Variants in MMP27 observed in about 807,000 individuals in gnomAD.
MMP27 encodes matrix metallopeptidase 27, also known as matrix metalloproteinase-27.
A neutral mutation model predicts 48.1 loss-of-function variants in MMP27; 51 were observed. The ratio of observed to expected loss-of-function variants is 1.06; its 90% confidence interval spans 0.85 to 1.34. The LOEUF (loss-of-function observed/expected upper bound fraction) is 1.34. MMP27 is among the 40% of genes most tolerant of loss of function. The pLI, the probability that MMP27 is intolerant of heterozygous loss-of-function variation, is 0.00. For missense variants in MMP27, 698 were observed against 619.3 expected, an observed-to-expected ratio of 1.13 and a Z score of -1.35; for synonymous variants, 229 against 208.9, an observed-to-expected ratio of 1.10 and a Z score of -0.83.
intron 6 of MMP27, 27 bp from the exon 7 acceptor site, chr11:102,695,124 C>T (rs1351431579): frequency 5.0e-6 from 8 of 1,607,830 alleles, no homozygotes; most frequent in African/African-American, 2.7e-5. Context: ...ACACTTTACA[C>T]ATGCAGCCTA....
chr11:102,701,989 C>T (rs11225384), intron 4 of MMP27, among the ~76,000 whole-genome samples: 2 of 152,170 alleles, frequency 1.3e-5, no homozygotes, highest in African/African-American at 2.4e-5. Context: ...GTAACTATTG[C>T]CAATGACAGA....
Position 102,694,102 on chromosome 11 carries a change from G to C in MMP27, c.1034-37C>G, listed in dbSNP as rs1344650016. 2.8e-6 allele frequency: 4 copies of C among 1,439,798 alleles called. No individual in the cohort carries two copies. In the African/African-American group the frequency reaches 4.4e-5, roughly 16 times the overall value. The allele number at this position is 1,439,798 out of a possible 1,614,324, so 89.2% of individuals were successfully genotyped here. ...GGAGTGATTATTTATTTTCTAGAGGGAGAAATAGGTATCTCAAGAAATTTA... is the reference window on the plus strand; with the variant it reads ...GGAGTGATTATTTATTTTCTAGAGGCAGAAATAGGTATCTCAAGAAATTTA... On this transcript the variant is annotated intron_variant, in intron 7 of 9. Transcript: ENST00000260229.
intron 4 of MMP27, among the ~76,000 whole-genome samples, chr11:102,697,430 A>G (rs1466696947): frequency 6.6e-6 from 1 of 152,208 alleles, no homozygotes; most frequent in African/African-American, 2.4e-5. Context: ...TATAAACACT[A>G]GACACTTAAG....
At chr11:102,701,333 T>A (rs528534223) in intron 4 of MMP27, among the ~76,000 whole-genome samples, 18 of 152,308 alleles carry the variant, frequency 1.2e-4, no homozygotes, top group Admixed American at 8.5e-4. Flanking sequence ...ATGTCCCCCT[T>A]GGCAGAGGGC....
intron 8 of MMP27, 110 bp from the exon 9 acceptor site, chr11:102,693,151 G>C (rs1344322245): frequency 1.4e-6 from 1 of 699,104 alleles, no homozygotes; most frequent in Non-Finnish European, 2.5e-6. Flanking sequence ...CATAGGCATA[G>C]TAGAGGAAAA....
intron 4 of MMP27, among the ~76,000 whole-genome samples, chr11:102,697,098 T>C (rs2134266989): frequency 6.6e-6 from 1 of 152,332 alleles, no homozygotes; most frequent in Non-Finnish European, 1.5e-5. Flanking sequence ...CACAGCCCAC[T>C]ACACACCAAG....
chr11:102,704,652 C>G lies in MMP27; in HGVS notation c.226G>C (p.Gly76Arg). 1 of 1,614,100 alleles carries G rather than the reference C, an allele frequency of 6.2e-7. No homozygotes were observed. The highest frequency in any genetic ancestry group is 8.5e-7 in the Non-Finnish European group (1 of 1,179,980). ...TCAAGGGTGTTTGAGTCCAGTTTTC[C>G]AGTCACTGTCAATCCAAAAAATGCT... is the stretch of plus-strand genomic sequence containing the variant. Reference protein sequence around the residue: ...MQAFFGLTVTGKLDSNTLEIM... With the variant: ...MQAFFGLTVTRKLDSNTLEIM... The change falls in exon 2 of 10, where the codon GGA (glycine) becomes CGA (arginine). Residue 76 changes from glycine (G) to arginine (R), a missense_variant. By Grantham distance (125) the Gly-to-Arg change is moderately radical (BLOSUM62 -2). Coordinates refer to ENST00000260229, the MANE Select transcript of MMP27 (RefSeq NM_022122.3).
chr11:102,696,012 T>C (rs915638620), intron 6 of MMP27, among the ~76,000 whole-genome samples: 4 of 152,196 alleles, frequency 2.6e-5, no homozygotes, highest in Non-Finnish European at 5.9e-5. Context: ...CTATGTGATG[T>C]GAACTGGTTT....
At chr11:102,694,836 A>C in intron 7 of MMP27, 131 bp downstream of exon 7, 1 of 955,210 alleles carries the variant, frequency 1.0e-6, no homozygotes, top group Non-Finnish European at 1.5e-6. Flanking sequence ...TCTTTACGAC[A>C]GGAACCTAAG....
At chr11:102,699,251 G>A (rs1860891582) in intron 4 of MMP27, among the ~76,000 whole-genome samples, 2 of 151,972 alleles carry the variant, frequency 1.3e-5, no homozygotes, top group Admixed American at 6.6e-5. Context: ...TGGATATCTT[G>A]AGCTCAGGAG....
chr11:102,691,933 T>C lies in MMP27; in HGVS notation c.1375A>G (p.Thr459Ala), dbSNP rs1259462464. Residue 459 changes from threonine to alanine, a missense_variant, in exon 10 of 10, where the codon ACT becomes GCT. Transcript: ENST00000260229. ...KTKNITRIMR[T>A]NTWFQCKEPK... ...TCTTTGCATTGAAACCAAGTATTAG[T>C]TCTCATGATTCGGGTAATATTCTTT... The C allele has an allele frequency of 6.2e-7, 1 of 1,613,506 alleles. No individual in the cohort carries two copies. The highest frequency in any genetic ancestry group is 2.2e-5 in the East Asian group (1 of 44,762).
At position 102,702,970 on chromosome 11, in the gene MMP27, C is replaced by T. The variant is rs570369912; in HGVS notation, c.490G>A (p.Val164Ile). 8.1e-6 allele frequency: 13 copies of T among 1,613,340 alleles called. No homozygotes were observed. The Admixed American group carries it at 1.7e-4, about 21-fold the overall frequency. Residue 164 changes from valine (V) to isoleucine (I), a missense_variant and splice_region_variant, in exon 3 of 10, where the codon GTC (valine) becomes ATC (isoleucine). Val to Ile is a conservative substitution (Grantham distance 29, BLOSUM62 3). Transcript: ENST00000260229. ...CTTTGCTCTCTGTTGAAAACCTTAC[C>T]TCGAGTCCTAAAGGCAATCATGATG... is the stretch of plus-strand genomic sequence containing the variant. ...ADIMIAFRTR[V>I]HGRCPRYFDG...
In MMP27 at chr11:102,692,052, A is replaced by G. The variant is rs367640423; in HGVS notation, c.1298-42T>C. 9.1e-5 allele frequency: 135 copies of G among 1,481,658 alleles called. No individual in the cohort carries two copies. In the African/African-American group the frequency reaches 1.3e-3, roughly 15 times the overall value. The allele number at this position is 1,481,658 out of a possible 1,614,324, so 91.8% of individuals were successfully genotyped here. A position where few individuals can be genotyped will look rare whatever the true frequency, so the allele number is the denominator to read the frequency against. On this transcript the variant is annotated intron_variant, in intron 9 of 9. Transcript: ENST00000260229. ...AGGATTAGTTATCTTTCATAACTAT[A>G]TAATACTTCCATACTTTTAAATTTT... is the stretch of plus-strand genomic sequence containing the variant.
intron 2 of MMP27, 21 bp downstream of exon 2, chr11:102,704,516 A>G (rs893006217): frequency 1.9e-6 from 3 of 1,547,308 alleles, no homozygotes; most frequent in African/African-American, 1.4e-5. Context: ...TTAGGCGGAA[A>G]TAAGCTGGCA....
At position 102,693,015 on chromosome 11, in the gene MMP27, T is replaced by C; in HGVS notation, c.1220A>G (p.Asp407Gly). 1 of 1,613,686 alleles carries C rather than the reference T, an allele frequency of 6.2e-7. No homozygotes were observed. The highest frequency in any genetic ancestry group is 8.5e-7 in the Non-Finnish European group (1 of 1,179,748). The change falls in exon 9 of 10, where the codon GAC becomes GGC. Residue 407 changes from aspartate to glycine, a missense_variant. Transcript: ENST00000260229. ...TACCACTCTCTGCGGGAACCCTTTG[T>C]CCATGGTTTGGGTCATTTCATCAAA... ...WRFDEMTQTM[D>G]KGFPQRVVKH...
At position 102,695,911 on chromosome 11, in the gene MMP27, A is replaced by G. The variant is rs139765501; in HGVS notation, c.902+460T>C. ...AGTGAGGTGCTGACCCATGTTTAAC[A>G]ACTGGCTCTCCAGGTGGGAAGAAGA... On this transcript the variant is annotated intron_variant, in intron 6 of 9. Coordinates refer to ENST00000260229, the MANE Select transcript of MMP27 (RefSeq NM_022122.3). Among the ~76,000 whole-genome samples, 550 of 152,336 alleles carry G rather than the reference A, an allele frequency of 3.6e-3. 2 individuals carry two copies. The highest frequency in any genetic ancestry group is 5.3e-3 in the Non-Finnish European group (358 of 68,028).
chr11:102,693,718 G>A (rs1278465906), intron 8 of MMP27, among the ~76,000 whole-genome samples, 188 bp downstream of exon 8: 8 of 152,040 alleles, frequency 5.3e-5, no homozygotes, highest in Non-Finnish European at 8.8e-5. Context: ...GCAGGAGGTC[G>A]AGGCTGCAGT....
At chr11:102,701,197 A>G (rs1860933333) in intron 4 of MMP27, among the ~76,000 whole-genome samples, 1 of 152,102 alleles carries the variant, frequency 6.6e-6, no homozygotes, top group African/African-American at 2.4e-5. Flanking sequence ...TCCTTTTTGG[A>G]ACTGCTGCCT....
chr11:102,692,089 A>C, intron 9 of MMP27, 79 bp from the exon 10 acceptor site: 1 of 1,308,394 alleles, frequency 7.6e-7, no homozygotes, highest in Non-Finnish European at 1.0e-6. Flanking sequence ...TAAACATGGA[A>C]AAAAATAACA....
Sources: allele counts gnomAD v4.1 joint callset (sites outside exome capture counted in the v4.1 genomes callset), GRCh38; gene constraint gnomAD v4.1.1; transcripts MANE v1.5; gene names NCBI Gene and HGNC (gene_info 2026-07-23, HGNC 2026-07-21).